SLIT2: variants seen among roughly 807,000 people sequenced by gnomAD.
SLIT2 encodes slit homolog 2 protein.
A neutral mutation model predicts 185.7 loss-of-function variants in SLIT2; 41 were observed. The observed-to-expected ratio is 0.22, with a 90% CI of 0.17 to 0.29. The LOEUF (loss-of-function observed/expected upper bound fraction) is 0.29, where lower values mean the gene tolerates loss of function less well. SLIT2 is among the 10% of genes least tolerant of loss of function. The pLI is 1.00. For synonymous variants in SLIT2, 693 were observed against 680.2 expected, an observed-to-expected ratio of 1.02 and a Z score of -0.29; for missense variants, 1,571 against 1,909.0, an observed-to-expected ratio of 0.82 and a Z score of 3.30.
At chr4:20,334,753 G>GT (rs977442019) in intron 4 of SLIT2, among the ~76,000 whole-genome samples, 8 of 152,196 alleles carry the variant, frequency 5.3e-5, no homozygotes, top group African/African-American at 1.9e-4. Flanking sequence ...GACTGTCTGG[G>GT]TTTGAATCCT....
At chr4:20,460,263 TC>T (rs1410870479) in intron 4 of SLIT2, among the ~76,000 whole-genome samples, 15 of 152,120 alleles carry the variant, frequency 9.9e-5, no homozygotes, top group African/African-American at 3.6e-4. Context: ...TGAGTTAACA[TC>T]CCTGCCTTTG....
intron 4 of SLIT2, among the ~76,000 whole-genome samples, chr4:20,371,669 C>G (rs544258825): frequency 6.6e-6 from 1 of 152,042 alleles, no homozygotes; most frequent in South Asian, 2.1e-4. Context: ...GTTATGCCAC[C>G]CGAGAGGGAA....
chr4:20,447,351 C>G (rs1212729045), intron 4 of SLIT2, among the ~76,000 whole-genome samples: 1 of 152,168 alleles, frequency 6.6e-6, no homozygotes, highest in African/African-American at 2.4e-5. Context: ...GATGCATTGC[C>G]TTCCTAGAGG....
intron 4 of SLIT2, among the ~76,000 whole-genome samples, chr4:20,405,195 T>TTATATATATATA (rs149863258): frequency 6.7e-6 from 1 of 150,104 alleles, no homozygotes; most frequent in African/African-American, 2.4e-5. Flanking sequence ...ACACTGCCTA[T>TTATATATATATA]TATATATATA....
chr4:20,610,277 G>GC, intron 34 of SLIT2, 110 bp downstream of exon 34: 1 of 904,172 alleles, frequency 1.1e-6, no homozygotes, highest in Non-Finnish European at 1.6e-6. Context: ...TTGACCAATA[G>GC]TGATCAATCA....
At chr4:20,309,542 A>G (rs1258927830) in intron 4 of SLIT2, among the ~76,000 whole-genome samples, 1 of 152,068 alleles carries the variant, frequency 6.6e-6, no homozygotes, top group African/African-American at 2.4e-5. Flanking sequence ...AAATAAAAAT[A>G]AAAAAGAAGC....
At chr4:20,553,274 ATC>A (rs1259873561) in intron 25 of SLIT2, among the ~76,000 whole-genome samples, 2 of 152,214 alleles carry the variant, frequency 1.3e-5, no homozygotes, top group Admixed American at 6.5e-5. Context: ...AGAAAAGTTA[ATC>A]TGTTTGTTCA....
chr4:20,359,961 C>T (rs909801578), intron 4 of SLIT2, among the ~76,000 whole-genome samples: 4 of 151,910 alleles, frequency 2.6e-5, no homozygotes, highest in South Asian at 2.1e-4. Context: ...GAAGATGATG[C>T]GGTTGTTGAG....
At position 20,573,068 on chromosome 4, in the gene SLIT2, T is replaced by C. The variant is rs183289832; in HGVS notation, c.3088+4064T>C. 2.8e-3 allele frequency among the ~76,000 whole-genome samples: 420 copies of C among 152,254 alleles called. 3 individuals are homozygous for C. Among genetic ancestry groups the C allele is most frequent in the African/African-American group, 9.3e-3 (388 of 41,558 alleles). On this transcript the variant is annotated intron_variant, in intron 29 of 36. Transcript: ENST00000504154. ...TTTACCTTTTGCCTCATTTTCTCCA[T>C]GTTTGTGCGTGTGGCCCGGCTGTAG...
Position 20,253,242 on chromosome 4 carries a change from CCG to C in SLIT2, c.-568_-567del, listed in dbSNP as rs771745605. 1.3e-5 allele frequency: 2 copies of C among 155,430 alleles called. No homozygotes were observed. Among genetic ancestry groups the C allele is most frequent in the African/African-American group, 4.8e-5 (2 of 41,464 alleles). 9.6% of individuals were successfully genotyped at this position (155,430 alleles called of 1,614,324 possible). ...AACTGCGCGTCCGCCCCGTGCACCC[CCG>C]CGCGCCATGCCCAGTTGCCCCGCGC... On this transcript the variant is annotated 5_prime_UTR_variant, in exon 1 of 37. Coordinates refer to ENST00000504154, the MANE Select transcript of SLIT2 (RefSeq NM_004787.4).
intron 4 of SLIT2, among the ~76,000 whole-genome samples, chr4:20,332,626 G>A (rs754772825): frequency 3.3e-5 from 5 of 151,904 alleles, no homozygotes; most frequent in Non-Finnish European, 7.4e-5. Context: ...GTGAGCCAAT[G>A]TTGCGCCACT....
At chr4:20,514,119 G>C (rs1478941496) in intron 11 of SLIT2, among the ~76,000 whole-genome samples, 1 of 152,056 alleles carries the variant, frequency 6.6e-6, no homozygotes, top group Non-Finnish European at 1.5e-5. Context: ...GTACTTGGGA[G>C]TATGTAGTTT....
chr4:20,428,103 G>A (rs573891600), intron 4 of SLIT2, among the ~76,000 whole-genome samples: 1 of 152,300 alleles, frequency 6.6e-6, no homozygotes, highest in Non-Finnish European at 1.5e-5. Flanking sequence ...TTAAACCCAT[G>A]TTTGACTCTT....
intron 4 of SLIT2, among the ~76,000 whole-genome samples, chr4:20,283,064 T>G (rs1268092176): frequency 6.6e-6 from 1 of 152,120 alleles, no homozygotes; most frequent in African/African-American, 2.4e-5. Flanking sequence ...GCACCACTAT[T>G]TGCTTTAGGT....
intron 4 of SLIT2, among the ~76,000 whole-genome samples, chr4:20,427,071 G>T (rs1004043283): frequency 6.6e-6 from 1 of 152,100 alleles, no homozygotes; most frequent in African/African-American, 2.4e-5. Context: ...TATCTCATTT[G>T]ATCCTTAGAA....
At chr4:20,315,188 A>G (rs1420903503) in intron 4 of SLIT2, among the ~76,000 whole-genome samples, 17 of 152,138 alleles carry the variant, frequency 1.1e-4, no homozygotes, top group Admixed American at 9.8e-4. Flanking sequence ...GAGTTTCTCA[A>G]TAAAGAGACA....
chr4:20,486,304 TAATC>T, intron 7 of SLIT2, 33 bp downstream of exon 7: 1 of 1,205,416 alleles, frequency 8.3e-7, no homozygotes, highest in Non-Finnish European at 1.2e-6. Context: ...AAAGTCATAT[TAATC>T]AATTAAAGCT....
chr4:20,461,546 G>C (rs114122073), intron 4 of SLIT2, among the ~76,000 whole-genome samples: 3,131 of 152,286 alleles, frequency 0.021, 111 homozygotes, highest in African/African-American at 0.071. Context: ...AAGAAGGCAA[G>C]GGCAGAAGCA....
chr4:20,391,004 G>A lies in SLIT2; in HGVS notation c.396-76748G>A, dbSNP rs559221563. On this transcript the variant is annotated intron_variant, in intron 4 of 36. Coordinates refer to ENST00000504154, the MANE Select transcript of SLIT2 (RefSeq NM_004787.4). ...ATTTTTTCCAGAATTTTAATTTTAC[G>A]GTGCCCATAAATAATCCACTTAAAG... Among the ~76,000 whole-genome samples the A allele has an allele frequency of 5.9e-4, 90 of 151,776 alleles. No individual in the cohort carries two copies. In the South Asian group the frequency reaches 0.014, roughly 24 times the overall value.
Sources: gnomAD v4.1 joint callset for allele counts (sites outside exome capture counted in the v4.1 genomes callset) on GRCh38, gnomAD v4.1.1 for gene constraint, MANE v1.5 for transcripts, NCBI Gene and HGNC (gene_info 2026-07-23, HGNC 2026-07-21) for gene names.